Variants in VPS41 observed in about 807,000 individuals in gnomAD.
VPS41 encodes the protein VPS41 subunit of HOPS complex, also known as vacuolar protein sorting-associated protein 41 homolog.
Under a neutral mutation model 130.9 loss-of-function variants are expected in VPS41, and 85 were observed. The observed-to-expected ratio is 0.65, with a 90% CI of 0.55 to 0.78. The LOEUF is 0.78. Among genes scored for constraint, VPS41 ranks in the 30% least tolerant of loss-of-function variants. The pLI, the probability that VPS41 is intolerant of heterozygous loss-of-function variation, is 0.00. For missense variants in VPS41, 874 were observed against 1,018.7 expected, an observed-to-expected ratio of 0.86 and a Z score of 1.93; for synonymous variants, 335 against 332.9, an observed-to-expected ratio of 1.01 and a Z score of -0.07.
rs766191735 is a variant in VPS41 at position 38,752,161 on chromosome 7, G to A, written c.1926+15C>T. ...CTTCATCCAAAGTGTACAAGTCGGG[G>A]AGTCTGTGCCTTACCTTTTCAAGTG... On this transcript the variant is annotated intron_variant, in intron 22 of 28. Coordinates refer to ENST00000310301, the MANE Select transcript of VPS41 (RefSeq NM_014396.4). 3 of 1,613,434 alleles carry A rather than the reference G, an allele frequency of 1.9e-6. No individual in the cohort carries two copies. Among genetic ancestry groups the A allele is most frequent in the African/African-American group, 2.7e-5 (2 of 74,872 alleles).
At chr7:38,898,174 G>A in intron 1 of VPS41, 45 bp from the exon 2 acceptor site, 3 of 1,549,718 alleles carry the variant, frequency 1.9e-6, no homozygotes, top group African/African-American at 2.7e-5. Context: ...GATGATAAAA[G>A]AATAATCATT....
At chr7:38,838,058 T>C (rs982914158) in intron 4 of VPS41, among the ~76,000 whole-genome samples, 6 of 152,164 alleles carry the variant, frequency 3.9e-5, no homozygotes, top group Non-Finnish European at 5.9e-5. Context: ...TCCATAACAG[T>C]TCCATAACAT....
intron 1 of VPS41, among the ~76,000 whole-genome samples, chr7:38,905,571 G>A (rs879506463): frequency 6.6e-6 from 1 of 152,190 alleles, no homozygotes; most frequent in Non-Finnish European, 1.5e-5. Flanking sequence ...ATAACTCAGT[G>A]CAGATGTCAC....
chr7:38,857,776 T>C (rs1443236094), intron 4 of VPS41, among the ~76,000 whole-genome samples: 2 of 152,198 alleles, frequency 1.3e-5, no homozygotes, highest in African/African-American at 4.8e-5. Flanking sequence ...CCTCAGAACA[T>C]GTGCCCAAGG....
intron 25 of VPS41, among the ~76,000 whole-genome samples, chr7:38,741,567 C>A (rs144030777): frequency 0.013 from 1,917 of 152,264 alleles, 154 homozygotes; most frequent in Admixed American, 0.12. Context: ...AAAATTATTA[C>A]CTTACTGAAA....
At chr7:38,799,022 C>T (rs1435486974) in intron 7 of VPS41, among the ~76,000 whole-genome samples, 2 of 151,976 alleles carry the variant, frequency 1.3e-5, no homozygotes, top group Non-Finnish European at 2.9e-5. Context: ...GGGGCAGGAA[C>T]GAAGGGGAGT....
chr7:38,747,057 G>A (rs1217570655), intron 22 of VPS41, among the ~76,000 whole-genome samples: 1 of 152,112 alleles, frequency 6.6e-6, no homozygotes, highest in African/African-American at 2.4e-5. Flanking sequence ...ACTCACAGTT[G>A]AATCTAATCC....
chr7:38,728,850 A>C, intron 25 of VPS41, 59 bp from the exon 26 acceptor site: 1 of 1,463,948 alleles, frequency 6.8e-7, no homozygotes, highest in Non-Finnish European at 9.5e-7. Flanking sequence ...TGAGGGGTGA[A>C]GGGACACTGT....
At chr7:38,831,066 C>G (rs896709875) in intron 4 of VPS41, 4 of 378,640 alleles carry the variant, frequency 1.1e-5, no homozygotes, top group African/African-American at 2.1e-5. Context: ...GCTGAGAAGT[C>G]TAAATGTTCA....
At chr7:38,799,409 T>G (rs896502184) in intron 7 of VPS41, among the ~76,000 whole-genome samples, 1 of 152,064 alleles carries the variant, frequency 6.6e-6, no homozygotes, top group East Asian at 1.9e-4. Context: ...CAGAGTACTT[T>G]GAAAATGAGA....
chr7:38,748,029 C>A (rs1796020556), intron 22 of VPS41, among the ~76,000 whole-genome samples: 1 of 152,154 alleles, frequency 6.6e-6, no homozygotes, highest in African/African-American at 2.4e-5. Context: ...TGATGAGTTT[C>A]TAACAGTATC....
chr7:38,877,538 G>A (rs980107372), intron 2 of VPS41, among the ~76,000 whole-genome samples: 1 of 152,040 alleles, frequency 6.6e-6, no homozygotes, highest in African/African-American at 2.4e-5. Context: ...GTTGTTATAC[G>A]AAAAAGGAAA....
chr7:38,848,718 G>A (rs987514064), intron 4 of VPS41, among the ~76,000 whole-genome samples: 8 of 152,138 alleles, frequency 5.3e-5, no homozygotes, highest in African/African-American at 1.4e-4. Context: ...GTGTGGCAGG[G>A]CTGGCTGGCT....
At chr7:38,766,395 A>G (rs928744212) in intron 15 of VPS41, among the ~76,000 whole-genome samples, 1 of 152,128 alleles carries the variant, frequency 6.6e-6, no homozygotes, top group Admixed American at 6.5e-5. Flanking sequence ...GGTTGGGAAA[A>G]TTCTCTTTGA....
At chr7:38,906,908 A>T (rs542593697) in intron 1 of VPS41, among the ~76,000 whole-genome samples, 1 of 152,216 alleles carries the variant, frequency 6.6e-6, no homozygotes, top group Non-Finnish European at 1.5e-5. Context: ...AAGCCTGAGC[A>T]CGTTACTCAA....
In VPS41 at chr7:38,817,890, A is replaced by G. The variant is rs763697223; in HGVS notation, c.385-8T>C. On this transcript the variant is annotated splice_polypyrimidine_tract_variant and splice_region_variant and intron_variant, in intron 6 of 28. Transcript: ENST00000310301. The stretch of plus-strand genomic sequence containing the variant: ...TGGGTGCACAGCAATAATCTACAAG[A>G]GAAACAGAACCCAACTCTGGTTTAG... 25 of 1,613,508 alleles carry G rather than the reference A, an allele frequency of 1.5e-5. No homozygotes were observed. The highest frequency in any genetic ancestry group is 2.0e-5 in the Non-Finnish European group (24 of 1,179,648).
At chr7:38,828,795 AG>A (rs147903463) in intron 5 of VPS41, among the ~76,000 whole-genome samples, 3,694 of 152,320 alleles carry the variant, frequency 0.024, 156 homozygotes, top group African/African-American at 0.083. Context: ...TTTGACAAGA[AG>A]GGTACCATGA....
intron 4 of VPS41, among the ~76,000 whole-genome samples, chr7:38,836,490 A>G (rs181546823): frequency 2.6e-5 from 4 of 152,298 alleles, no homozygotes; most frequent in Admixed American, 2.6e-4. Context: ...ATCCAGGAGC[A>G]GAAACTATTT....
At chr7:38,869,039 C>T in intron 3 of VPS41, 107 bp downstream of exon 3, 1 of 790,494 alleles carries the variant, frequency 1.3e-6, no homozygotes, top group Non-Finnish European at 2.0e-6. Context: ...GGCAAGGAGA[C>T]AGAATCACTG....
Sources: gnomAD v4.1 joint callset for allele counts (sites outside exome capture counted in the v4.1 genomes callset) on GRCh38, gnomAD v4.1.1 for gene constraint, MANE v1.5 for transcripts, NCBI Gene and HGNC (gene_info 2026-07-23, HGNC 2026-07-21) for gene names.